The following AFF4 variants were observed in gnomAD, a reference collection of about 807,000 sequenced individuals.
AFF4 encodes AF4/FMR2 family member 4.
Under a neutral mutation model 124.8 loss-of-function variants are expected in AFF4, and 13 were observed. That is an observed-to-expected ratio of 0.10 (90% CI 0.07 to 0.17). The LOEUF (loss-of-function observed/expected upper bound fraction) is 0.17. Ranked by LOEUF, AFF4 falls within the 10% of genes least tolerant of loss-of-function variation. AFF4 has a pLI of 1.00. For synonymous variants in AFF4, 477 were observed against 496.1 expected (o/e 0.96, Z 0.51); for missense variants, 1,092 against 1,403.8 (o/e 0.78, Z 3.55).
chr5:132,937,185 T>G lies in AFF4; in HGVS notation c.5A>C (p.Asn2Thr). ...ACGCAGCACATTCCGGTCTTCACGG[T>G]TCATGTTGCTATGAAAAGAAACACA... MNREDRNVLRMK... is the reference protein window; with the variant it reads MTREDRNVLRMK... The change falls in exon 2 of 21, where the codon AAC (asparagine) becomes ACC (threonine). Residue 2 changes from asparagine to threonine, a missense_variant. Asn to Thr is a moderately conservative substitution (Grantham distance 65). This residue lies in a region of AFF4 where 46 missense variants were observed against 49.0 expected (regional missense o/e 0.94). Coordinates refer to ENST00000265343, the MANE Select transcript of AFF4 (RefSeq NM_014423.4). The G allele has an allele frequency of 6.2e-7, 1 of 1,608,408 alleles. No individual in the cohort carries two copies. Among genetic ancestry groups the G allele is most frequent in the Non-Finnish European group, 8.5e-7 (1 of 1,176,610 alleles).
At position 132,895,728 on chromosome 5, in the gene AFF4, G is replaced by A. The variant is rs528515892; in HGVS notation, c.2307+595C>T. Among the ~76,000 whole-genome samples the A allele has an allele frequency of 3.9e-5, 6 of 152,270 alleles. No individual in the cohort carries two copies. The South Asian group carries it at 8.3e-4, about 21-fold the overall frequency. On this transcript the variant is annotated intron_variant, in intron 11 of 20. Coordinates refer to ENST00000265343, the MANE Select transcript of AFF4 (RefSeq NM_014423.4). The stretch of plus-strand genomic sequence containing the variant: ...TATTATCCTCCAATCACAGACATGC[G>A]TGAGTTTTCACATTTCCTTAGTCTA...
intron 1 of AFF4, chr5:132,943,494 C>A: frequency 5.5e-6 from 1 of 182,590 alleles, no homozygotes; most frequent in South Asian, 1.6e-4. Context: ...CTGACAAGCC[C>A]TTGTGTCTGT....
chr5:132,913,914 C>T (rs1381791649), intron 5 of AFF4, among the ~76,000 whole-genome samples: 4 of 152,102 alleles, frequency 2.6e-5, no homozygotes, highest in African/African-American at 9.7e-5. Flanking sequence ...GGAACCAACA[C>T]AGTTAGATAT....
chr5:132,945,827 G>A (rs1385932749), intron 1 of AFF4, among the ~76,000 whole-genome samples: 1 of 151,990 alleles, frequency 6.6e-6, no homozygotes, highest in South Asian at 2.1e-4. Context: ...TTCGCAGGCT[G>A]AGGCAGGCGG....
chr5:132,931,364 G>A (rs1761296638), intron 4 of AFF4, among the ~76,000 whole-genome samples: 3 of 152,166 alleles, frequency 2.0e-5, no homozygotes, highest in Admixed American at 2.0e-4. Flanking sequence ...AGGAGACAGA[G>A]GTAGCAGTGA....
At chr5:132,894,732 T>C (rs1476530132) in intron 11 of AFF4, among the ~76,000 whole-genome samples, 1 of 151,820 alleles carries the variant, frequency 6.6e-6, no homozygotes, top group Non-Finnish European at 1.5e-5. Context: ...GAGGCTGAGG[T>C]GGGAGGACTG....
Position 132,896,666 on chromosome 5 carries a change from TCATCTGAA to T in AFF4, c.1956_1963del (p.Asp652GlufsTer3). The T allele has an allele frequency of 6.2e-7, 1 of 1,614,084 alleles. No homozygotes were observed. The highest frequency in any genetic ancestry group is 8.5e-7 in the Non-Finnish European group (1 of 1,180,002). On this transcript the variant is annotated frameshift_variant, in exon 11 of 21. Coordinates refer to ENST00000265343, the MANE Select transcript of AFF4 (RefSeq NM_014423.4). LOFTEE classifies it high-confidence loss of function. ...TGAGGAAGGAGGAAGGCTCTCACTT[TCATCTGAA>T]TCTGAGGATGAGGTATCTGTTTCTA...
rs2150058526 is a variant in AFF4 at position 132,877,496 on chromosome 5, G to C, written c.*3563C>G. 4.7e-6 allele frequency: 1 copy of C among 212,786 alleles called. No individual in the cohort carries two copies. The highest frequency in any genetic ancestry group is 7.1e-5 in the East Asian group (1 of 14,064). 13.2% of individuals were successfully genotyped at this position (212,786 alleles called of 1,614,324 possible). A position where few individuals can be genotyped will look rare whatever the true frequency, so the allele number is the denominator to read the frequency against. ...TAAAATACTAAACACACACATATTT[G>C]ACAAACTAATTTCATGTTTTCATAC... On this transcript the variant is annotated 3_prime_UTR_variant, in exon 21 of 21. Coordinates refer to ENST00000265343, the MANE Select transcript of AFF4 (RefSeq NM_014423.4).
chr5:132,916,490 A>G (rs1257052954), intron 5 of AFF4, among the ~76,000 whole-genome samples: 1 of 152,144 alleles, frequency 6.6e-6, no homozygotes, highest in Non-Finnish European at 1.5e-5. Flanking sequence ...GAACAGAATC[A>G]GCATGAGAAT....
rs763261373 is a variant in AFF4 at position 132,934,732 on chromosome 5, T to C, written c.333A>G (p.Val111=). 1 of 1,614,190 alleles carries C rather than the reference T, an allele frequency of 6.2e-7. No homozygotes were observed. The highest frequency in any genetic ancestry group is 1.1e-5 in the South Asian group (1 of 91,082). ...GSHQSSKWTP[V]GPAPSTSQSQ... ...ACTGAGAAGTGCTGGGTGCGGGTCC[T>C]ACTGGAGTCCATTTGCTACTCTGAT... is the stretch of plus-strand genomic sequence containing the variant. The change falls in exon 3 of 21, where the codon GTA becomes GTG. Residue 111 remains valine, a synonymous_variant. Coordinates refer to ENST00000265343, the MANE Select transcript of AFF4 (RefSeq NM_014423.4).
intron 9 of AFF4, among the ~76,000 whole-genome samples, 185 bp from the exon 10 acceptor site, chr5:132,898,577 A>T (rs1434872642): frequency 6.6e-6 from 1 of 151,742 alleles, no homozygotes. Context: ...TCCGCCTTCC[A>T]GGTTCAAGCA....
At chr5:132,956,607 G>A (rs1761962368) in intron 1 of AFF4, among the ~76,000 whole-genome samples, 1 of 150,130 alleles carries the variant, frequency 6.7e-6, no homozygotes, top group Non-Finnish European at 1.5e-5. Context: ...ACTCCAGCCT[G>A]GGCAACAGAG....
chr5:132,949,549 A>C (rs1581333817), intron 1 of AFF4, among the ~76,000 whole-genome samples: 1 of 151,760 alleles, frequency 6.6e-6, no homozygotes, highest in African/African-American at 2.4e-5. Flanking sequence ...CGGTGCCTCA[A>C]GCCTGTAATC....
At chr5:132,957,872 C>T (rs908822732) in intron 1 of AFF4, among the ~76,000 whole-genome samples, 1 of 152,130 alleles carries the variant, frequency 6.6e-6, no homozygotes, top group Non-Finnish European at 1.5e-5. Flanking sequence ...GACCTGGCTT[C>T]TTCAACAAAC....
chr5:132,929,069 A>G (rs1761244052), intron 4 of AFF4, among the ~76,000 whole-genome samples: 1 of 152,180 alleles, frequency 6.6e-6, no homozygotes, highest in African/African-American at 2.4e-5. Flanking sequence ...CAATAAATAT[A>G]CATTTAGAGT....
chr5:132,904,860 C>A (rs1760634341), intron 5 of AFF4, among the ~76,000 whole-genome samples: 1 of 152,002 alleles, frequency 6.6e-6, no homozygotes, highest in Admixed American at 6.6e-5. Flanking sequence ...ACCATCCTGG[C>A]CAACATGGTG....
intron 1 of AFF4, among the ~76,000 whole-genome samples, chr5:132,962,339 G>C (rs1227042223): frequency 6.6e-6 from 1 of 152,162 alleles, no homozygotes; most frequent in African/African-American, 2.4e-5. Context: ...CAATGGAAAA[G>C]TGACTGGCCT....
chr5:132,962,126 G>T (rs1198111846), intron 1 of AFF4, among the ~76,000 whole-genome samples: 1 of 152,166 alleles, frequency 6.6e-6, no homozygotes, highest in Non-Finnish European at 1.5e-5. Context: ...CCCAAATTAA[G>T]AAAGTTCTCA....
chr5:132,896,663 C>G lies in AFF4; in HGVS notation c.1967G>C (p.Ser656Thr). ...TTGTGAGGAAGGAGGAAGGCTCTCA[C>G]TTTCATCTGAATCTGAGGATGAGGT... ...TDTSSSDSDE[S>T]ESLPPSSQTP... Residue 656 changes from serine to threonine, a missense_variant, in exon 11 of 21, where the codon AGT (serine) becomes ACT (threonine). Transcript: ENST00000265343. 6.2e-7 allele frequency: 1 copy of G among 1,614,052 alleles called. No homozygotes were observed. Among genetic ancestry groups the G allele is most frequent in the Non-Finnish European group, 8.5e-7 (1 of 1,179,970 alleles).
Sources: gnomAD v4.1 joint callset for allele counts (sites outside exome capture counted in the v4.1 genomes callset) on GRCh38, gnomAD v4.1.1 for gene constraint, gnomAD v4.1.1 regional missense constraint, MANE v1.5 for transcripts, NCBI Gene and HGNC (gene_info 2026-07-23, HGNC 2026-07-21) for gene names.